The following PRDM16 variants were observed in gnomAD, a reference collection of about 807,000 sequenced individuals.
PRDM16 encodes the protein PR/SET domain 16.
A neutral mutation model predicts 110.6 loss-of-function variants in PRDM16; 23 were observed. That is an observed-to-expected ratio of 0.21 (90% CI 0.15 to 0.29). PRDM16 has a LOEUF of 0.29. Ranked by LOEUF, PRDM16 falls within the 10% of genes least tolerant of loss-of-function variation. PRDM16 has a pLI of 1.00. For missense variants in PRDM16, 1,615 were observed against 1,794.3 expected (o/e 0.90, Z 1.81); for synonymous variants, 799 against 781.8 (o/e 1.02, Z -0.37).
intron 3 of PRDM16, among the ~76,000 whole-genome samples, chr1:3,325,501 C>T (rs1199742299): frequency 6.6e-6 from 1 of 152,216 alleles, no homozygotes; most frequent in Non-Finnish European, 1.5e-5. Context: ...GACCACCGGC[C>T]AGATGGGTGT....
intron 3 of PRDM16, among the ~76,000 whole-genome samples, chr1:3,272,208 T>C (rs1325126296): frequency 6.6e-6 from 1 of 152,208 alleles, no homozygotes; most frequent in East Asian, 1.9e-4. Context: ...CTGCTCATCC[T>C]GCATCTGCAG....
intron 3 of PRDM16, among the ~76,000 whole-genome samples, chr1:3,326,225 G>A (rs1447069907): frequency 6.6e-6 from 1 of 151,560 alleles, no homozygotes; most frequent in East Asian, 1.9e-4. Context: ...GCCATTCTTG[G>A]CTTCTAGACA....
chr1:3,125,818 G>T (rs1384237168), intron 1 of PRDM16, among the ~76,000 whole-genome samples: 1 of 152,228 alleles, frequency 6.6e-6, no homozygotes, highest in Non-Finnish European at 1.5e-5. Flanking sequence ...GCGGCCAAGG[G>T]TGCAGGTCCC....
chr1:3,091,382 T>C (rs1311331039), intron 1 of PRDM16, among the ~76,000 whole-genome samples: 1 of 152,076 alleles, frequency 6.6e-6, no homozygotes, highest in Non-Finnish European at 1.5e-5. Flanking sequence ...CGACAGCATC[T>C]CTTTCATCTT....
chr1:3,205,213 C>T (rs879123425), intron 2 of PRDM16, among the ~76,000 whole-genome samples: 3 of 152,100 alleles, frequency 2.0e-5, no homozygotes, highest in South Asian at 2.1e-4. Context: ...AATCCCCCGA[C>T]GGGCAGCAGG....
At chr1:3,288,395 C>T (rs1640903496) in intron 3 of PRDM16, among the ~76,000 whole-genome samples, 1 of 152,170 alleles carries the variant, frequency 6.6e-6, no homozygotes, top group Admixed American at 6.5e-5. Context: ...CAGACAAAGG[C>T]CTTCTCTGGG....
chr1:3,322,914 C>G (rs1222502640), intron 3 of PRDM16, among the ~76,000 whole-genome samples: 1 of 152,198 alleles, frequency 6.6e-6, no homozygotes, highest in Non-Finnish European at 1.5e-5. Flanking sequence ...GTTCAGTGGA[C>G]TGGGGCTCCC....
At chr1:3,397,916 A>C (rs550500034) in intron 5 of PRDM16, among the ~76,000 whole-genome samples, 1 of 152,184 alleles carries the variant, frequency 6.6e-6, no homozygotes, top group Admixed American at 6.6e-5. Flanking sequence ...TCCTTGGTGC[A>C]GTATCTGTTT....
chr1:3,314,005 G>A (rs1023731902), intron 3 of PRDM16, among the ~76,000 whole-genome samples: 8 of 146,534 alleles, frequency 5.5e-5, no homozygotes, highest in Non-Finnish European at 8.9e-5. Context: ...GAGTCACCCA[G>A]TGTCAGACCC....
chr1:3,360,150 G>A (rs1439459199), intron 3 of PRDM16, among the ~76,000 whole-genome samples: 1 of 152,264 alleles, frequency 6.6e-6, no homozygotes, highest in African/African-American at 2.4e-5. Flanking sequence ...TATGTGCAGA[G>A]TTTGTGTGTT....
At chr1:3,153,608 G>A (rs1004842098) in intron 1 of PRDM16, among the ~76,000 whole-genome samples, 7 of 152,200 alleles carry the variant, frequency 4.6e-5, no homozygotes, top group African/African-American at 1.4e-4. Context: ...AGTTTCTCTC[G>A]CTATGAGTTG....
In PRDM16 at chr1:3,431,068, C is replaced by G. The variant is rs1638753402; in HGVS notation, c.3481C>G (p.Pro1161Ala). ...AAYEDEEDEEPAASLAVGFDH... is the reference protein window; with the variant it reads ...AAYEDEEDEEAAASLAVGFDH... ...CTACGAGGATGAGGAGGATGAGGAG[C>G]CAGCCGCCTCCCTGGCCGTGGGCTT... The change falls in exon 15 of 17, where the codon CCA becomes GCA. Residue 1161 changes from proline (P) to alanine (A), a missense_variant. Pro to Ala is a conservative substitution (Grantham distance 27). Coordinates refer to ENST00000270722, the MANE Select transcript of PRDM16 (RefSeq NM_022114.4). 5.8e-6 allele frequency: 9 copies of G among 1,553,486 alleles called. No homozygotes were observed. The highest frequency in any genetic ancestry group is 7.8e-6 in the Non-Finnish European group (9 of 1,148,904).
At chr1:3,281,667 TG>T (rs778567843) in intron 3 of PRDM16, among the ~76,000 whole-genome samples, 9 of 152,202 alleles carry the variant, frequency 5.9e-5, no homozygotes, top group Admixed American at 1.3e-4. Context: ...TGATGAGCTA[TG>T]GTTGGATTCA....
Position 3,293,044 on chromosome 1 carries a change from C to T in PRDM16, c.438+48907C>T, listed in dbSNP as rs10909920. ...GCAGTTAATTACTAGGACAAGGGAA[C>T]ACATCCAGGTGCCTTTCACAGGGAC... On this transcript the variant is annotated intron_variant, in intron 3 of 16. Transcript: ENST00000270722. Among the ~76,000 whole-genome samples the T allele has an allele frequency of 3.0e-3, 459 of 152,380 alleles. 2 individuals are homozygous for T. Among genetic ancestry groups the T allele is most frequent in the African/African-American group, 0.011 (452 of 41,592 alleles).
At chr1:3,274,292 C>T (rs72632141) in intron 3 of PRDM16, among the ~76,000 whole-genome samples, 6 of 152,132 alleles carry the variant, frequency 3.9e-5, no homozygotes, top group Non-Finnish European at 7.3e-5. Context: ...GTGGGGGCCT[C>T]CATTAATCTT....
intron 2 of PRDM16, among the ~76,000 whole-genome samples, chr1:3,240,204 G>A (rs573604629): frequency 1.3e-5 from 2 of 151,768 alleles, no homozygotes; most frequent in African/African-American, 2.4e-5. Flanking sequence ...GAGGATTGCT[G>A]GAGTCCAGGA....
chr1:3,363,114 G>C (rs531565687), intron 3 of PRDM16, among the ~76,000 whole-genome samples: 2 of 152,290 alleles, frequency 1.3e-5, no homozygotes, highest in African/African-American at 4.8e-5. Context: ...ATCACAGCCA[G>C]CCTCCCCTGG....
At chr1:3,212,433 G>A (rs934778477) in intron 2 of PRDM16, among the ~76,000 whole-genome samples, 5 of 152,104 alleles carry the variant, frequency 3.3e-5, no homozygotes, top group Non-Finnish European at 7.4e-5. Context: ...TCCAGGCCTG[G>A]AGCCGGCCGG....
rs569073010 is a variant in PRDM16, at chr1:3,166,360, G to A, written c.38-19765G>A. ...GGTGCCACAGGCCAGGCGTCTGACCGTGGGGAACCCTCGGAGGTTTTCCAC... is the reference window on the plus strand; with the variant it reads ...GGTGCCACAGGCCAGGCGTCTGACCATGGGGAACCCTCGGAGGTTTTCCAC... On this transcript the variant is annotated intron_variant, in intron 1 of 16. Coordinates refer to ENST00000270722, the MANE Select transcript of PRDM16 (RefSeq NM_022114.4). Among the ~76,000 whole-genome samples, 9 of 152,372 alleles carry A rather than the reference G, an allele frequency of 5.9e-5. No individual in the cohort carries two copies. The East Asian group carries it at 1.5e-3, about 26-fold the overall frequency.
Sources: gnomAD v4.1 joint callset for allele counts (sites outside exome capture counted in the v4.1 genomes callset) on GRCh38, gnomAD v4.1.1 for gene constraint, MANE v1.5 for transcripts, NCBI Gene and HGNC (gene_info 2026-07-23, HGNC 2026-07-21) for gene names.